The following STAB1 variants were observed in gnomAD, a reference collection of about 807,000 sequenced individuals.
The protein encoded by STAB1 is stabilin-1.
A neutral mutation model predicts 332.4 loss-of-function variants in STAB1; 250 were observed. That is an observed-to-expected ratio of 0.75 (90% CI 0.68 to 0.84). STAB1 has a LOEUF of 0.84. Ranked by LOEUF, STAB1 falls within the 40% of genes least tolerant of loss-of-function variation. STAB1 has a pLI of 0.00. For missense variants in STAB1, 3,249 were observed against 3,489.7 expected, an observed-to-expected ratio of 0.93 and a Z score of 1.74; for synonymous variants, 1,475 against 1,390.4, an observed-to-expected ratio of 1.06 and a Z score of -1.35.
At chr3:52,521,313 C>T (rs1280525566) in intron 55 of STAB1, 48 bp from the exon 56 acceptor site, 1 of 1,611,184 alleles carries the variant, frequency 6.2e-7, no homozygotes, top group Non-Finnish European at 8.5e-7. Flanking sequence ...TATGGGGGTC[C>T]TGGTGAGAGC....
chr3:52,520,008 C>T lies in STAB1; in HGVS notation c.5300C>T (p.Thr1767Ile). ...AGGCCCTTCACAATGCTGTGGCCCACAGACGCCGCCTTTCGAGCTCTGCCT... is the reference window on the plus strand; with the variant it reads ...AGGCCCTTCACAATGCTGTGGCCCATAGACGCCGCCTTTCGAGCTCTGCCT... The part of the protein sequence containing the change: ...SHRPFTMLWP[T>I]DAAFRALPPD... The change falls in exon 51 of 69, where the codon ACA (threonine) becomes ATA (isoleucine). Residue 1767 changes from threonine to isoleucine, a missense_variant. Transcript: ENST00000321725. 6.2e-7 allele frequency: 1 copy of T among 1,612,232 alleles called. No individual in the cohort carries two copies. Among genetic ancestry groups the T allele is most frequent in the Non-Finnish European group, 8.5e-7 (1 of 1,179,816 alleles).
Position 52,513,136 on chromosome 3 carries a change from T to C in STAB1, c.3165T>C (p.His1055=). 1 of 1,566,926 alleles carries C rather than the reference T, an allele frequency of 6.4e-7. No individual in the cohort carries two copies. The highest frequency in any genetic ancestry group is 1.7e-4 in the Middle Eastern group (1 of 6,000). ...CTAAACTGTGCCCTGTCAGGGCCCA[T>C]TTTCTCCAGGGTGCCCTCTTCGAGG... The part of the protein sequence containing the change: ...PRTLPNLVRA[H]FLQGALFEEE... The change falls in exon 30 of 69, where the codon CAT becomes CAC. Residue 1055 remains histidine, a synonymous_variant. Coordinates refer to ENST00000321725, the MANE Select transcript of STAB1 (RefSeq NM_015136.3).
At chr3:52,506,371 G>T in intron 17 of STAB1, 121 bp downstream of exon 17, 1 of 929,396 alleles carries the variant, frequency 1.1e-6, no homozygotes, top group South Asian at 1.5e-5. Context: ...GCCATGGCGG[G>T]CTCATGGGGA....
At chr3:52,512,226 C>T in intron 26 of STAB1, 115 bp from the exon 27 acceptor site, 1 of 975,858 alleles carries the variant, frequency 1.0e-6, no homozygotes. Context: ...TGGGTGGCTG[C>T]AGAGCAAGGG....
Position 52,503,460 on chromosome 3 carries a change from C to T in STAB1, c.811C>T (p.Leu271=). 6.2e-7 allele frequency: 1 copy of T among 1,613,824 alleles called. No homozygotes were observed. Among genetic ancestry groups the T allele is most frequent in the East Asian group, 2.2e-5 (1 of 44,886 alleles). The change falls in exon 8 of 69, where the codon CTG becomes TTG. Residue 271 remains leucine (L), a synonymous_variant. Transcript: ENST00000321725. ...CTACCATGGCGATGGGATGGTGTGT[C>T]TGCCCAAGGACCCATGCACTGACAA... ...ENYHGDGMVC[L]PKDPCTDNLG...
At chr3:52,502,117 A>G (rs1708494392) in intron 4 of STAB1, 26 bp downstream of exon 4, 3 of 1,613,414 alleles carry the variant, frequency 1.9e-6, no homozygotes, top group South Asian at 2.2e-5. Context: ...GGTGGGGTGG[A>G]GGCTCAGAGG....
rs2079119664 is a variant in STAB1 at position 52,522,794 on chromosome 3, T to C, written c.6764T>C (p.Leu2255Pro). The change falls in exon 62 of 69, where the codon CTC becomes CCC. Residue 2255 changes from leucine to proline, a missense_variant. Physicochemically the swap from Leu to Pro is moderately conservative, Grantham distance 98. Coordinates refer to ENST00000321725, the MANE Select transcript of STAB1 (RefSeq NM_015136.3). ...CTACAGCTGGGCTTCCACCTGTGCCTCATGGGCTGGCTGGCCAATGGCTCC... is the reference window on the plus strand; with the variant it reads ...CTACAGCTGGGCTTCCACCTGTGCCCCATGGGCTGGCTGGCCAATGGCTCC... ...AAQQLGFHLC[L>P]MGWLANGSTA... 6.2e-7 allele frequency: 1 copy of C among 1,613,270 alleles called. No individual in the cohort carries two copies. Among genetic ancestry groups the C allele is most frequent in the Non-Finnish European group, 8.5e-7 (1 of 1,180,000 alleles).
chr3:52,506,604 C>T, intron 17 of STAB1, 88 bp from the exon 18 acceptor site: 1 of 1,422,952 alleles, frequency 7.0e-7, no homozygotes, highest in Non-Finnish European at 9.4e-7. Flanking sequence ...CCTGTCTGCT[C>T]TAACTGGGCT....
In STAB1 at chr3:52,523,244, C is replaced by T. The variant is rs1303995830; in HGVS notation, c.7043C>T (p.Ala2348Val). The T allele has an allele frequency of 6.2e-7, 1 of 1,613,272 alleles. No individual in the cohort carries two copies. The highest frequency in any genetic ancestry group is 8.5e-7 in the Non-Finnish European group (1 of 1,180,014). Residue 2348 changes from alanine to valine, a missense_variant, in exon 64 of 69, where the codon GCC becomes GTC. Physicochemically the swap from Ala to Val is moderately conservative, Grantham distance 64. Coordinates refer to ENST00000321725, the MANE Select transcript of STAB1 (RefSeq NM_015136.3). The part of the protein sequence containing the change: ...FYGMLLGYAN[A>V]TQRGLDFLDF... ...CAGATGCTATTGGGCTATGCCAATG[C>T]CACCCAGCGGGGTCTCGACTTCCTG...
At position 52,518,842 on chromosome 3, in the gene STAB1, G is replaced by T. The variant is rs1205860894; in HGVS notation, c.5007G>T (p.Gly1669=). Residue 1669 remains glycine, a synonymous_variant, in exon 48 of 69, where the codon GGG becomes GGT. Coordinates refer to ENST00000321725, the MANE Select transcript of STAB1 (RefSeq NM_015136.3). ...AGGGGTACGCCACGGCCCTCTCAGG[G>T]CACCCACTGCGCTTCAGCGAGAGGG... ...LEQGYATALS[G]HPLRFSEREG... 1 of 1,605,072 alleles carries T rather than the reference G, an allele frequency of 6.2e-7. No individual in the cohort carries two copies. The highest frequency in any genetic ancestry group is 8.5e-7 in the Non-Finnish European group (1 of 1,178,340).
At chr3:52,516,303 C>G (rs1344024784) in intron 38 of STAB1, 53 bp from the exon 39 acceptor site, 4 of 1,607,006 alleles carry the variant, frequency 2.5e-6, no homozygotes, top group Non-Finnish European at 3.4e-6. Context: ...AGACCCCAGC[C>G]GGGACAGGAT....
chr3:52,519,706 G>A lies in STAB1; in HGVS notation c.5235+142G>A, dbSNP rs753047035. On this transcript the variant is annotated intron_variant, in intron 50 of 68. Coordinates refer to ENST00000321725, the MANE Select transcript of STAB1 (RefSeq NM_015136.3). ...CCTGTGTGAACTCATGTGTGCACAAGCCACATCTGTGTGCATGTGCACCCC... is the reference window on the plus strand; with the variant it reads ...CCTGTGTGAACTCATGTGTGCACAAACCACATCTGTGTGCATGTGCACCCC... 3.0e-5 allele frequency: 40 copies of A among 1,316,858 alleles called. 1 individual carries two copies. In the Middle Eastern group the frequency reaches 1.5e-3, roughly 48 times the overall value. The allele number at this position is 1,316,858 out of a possible 1,614,324, so 81.6% of individuals were successfully genotyped here. A position where few individuals can be genotyped will look rare whatever the true frequency, so the allele number is the denominator to read the frequency against.
At chr3:52,506,572 C>T (rs547879248) in intron 17 of STAB1, 120 bp from the exon 18 acceptor site, 6 of 1,143,370 alleles carry the variant, frequency 5.2e-6, no homozygotes, top group African/African-American at 1.6e-5. Flanking sequence ...GCCAGCGGGG[C>T]CTTCAGCAGC....
At chr3:52,495,877 G>C (rs1352941971) in intron 1 of STAB1, among the ~76,000 whole-genome samples, 1 of 152,204 alleles carries the variant, frequency 6.6e-6, no homozygotes, top group African/African-American at 2.4e-5. Context: ...AGATTCACGT[G>C]GGGCAAGTGT....
Position 52,513,722 on chromosome 3 carries a change from C to T in STAB1, c.3276C>T (p.Val1092=). ...GCTCTGCTGCTGCCTTCCAGAGGGT[C>T]TGGGTGCAGAATGCCAGCGTGGATG... ...RWEIRNISGR[V]WVQNASVDVA... is the part of the protein sequence containing the mutation. Residue 1092 remains valine, a synonymous_variant, in exon 31 of 69, where the codon GTC becomes GTT. Coordinates refer to ENST00000321725, the MANE Select transcript of STAB1 (RefSeq NM_015136.3). 1 of 1,613,150 alleles carries T rather than the reference C, an allele frequency of 6.2e-7. No homozygotes were observed. Among genetic ancestry groups the T allele is most frequent in the South Asian group, 1.1e-5 (1 of 91,064 alleles).
intron 25 of STAB1, 145 bp downstream of exon 25, chr3:52,510,652 T>C (rs556340854): frequency 9.0e-7 from 1 of 1,110,626 alleles, no homozygotes; most frequent in African/African-American, 1.6e-5. Flanking sequence ...TGCTGAGTAG[T>C]AGCATCTGGG....
At chr3:52,495,993 A>AGCCTCAGAGCT (rs1707992789) in intron 1 of STAB1, among the ~76,000 whole-genome samples, 1 of 152,206 alleles carries the variant, frequency 6.6e-6, no homozygotes, top group Non-Finnish European at 1.5e-5. Context: ...GACACACTTC[A>AGCCTCAGAGCT]GCCTCAGAGC....
chr3:52,514,265 G>A (rs766605432), intron 33 of STAB1, 52 bp downstream of exon 33: 33 of 1,605,026 alleles, frequency 2.1e-5, no homozygotes, highest in Admixed American at 2.0e-4. Flanking sequence ...CATAGAGGGC[G>A]AGCCTCCAAT....
At chr3:52,498,142 G>A (rs558393411) in intron 1 of STAB1, among the ~76,000 whole-genome samples, 51 of 152,228 alleles carry the variant, frequency 3.4e-4, no homozygotes, top group Non-Finnish European at 6.5e-4. Flanking sequence ...CCATGAACCA[G>A]GTCCCAGCTT....
Sources: allele counts gnomAD v4.1 joint callset (sites outside exome capture counted in the v4.1 genomes callset), GRCh38; gene constraint gnomAD v4.1.1; transcripts MANE v1.5; gene names NCBI Gene and HGNC (gene_info 2026-07-23, HGNC 2026-07-21).